Variants in NEK8 observed in about 807,000 individuals in gnomAD.
The protein encoded by NEK8 is serine/threonine-protein kinase Nek8.
In NEK8, 51 loss-of-function variants were observed where a neutral mutation model predicts 77.2. The ratio of observed to expected loss-of-function variants is 0.66; its 90% CI spans 0.53 to 0.83. The LOEUF (loss-of-function observed/expected upper bound fraction) is 0.83. Ranked by LOEUF, NEK8 falls within the 40% of genes least tolerant of loss-of-function variation. The pLI, the probability that NEK8 is intolerant of heterozygous loss-of-function variation, is 0.00. For synonymous variants in NEK8, 365 were observed against 363.2 expected, an observed-to-expected ratio of 1.00 and a Z score of -0.06; for missense variants, 787 against 909.2, an observed-to-expected ratio of 0.87 and a Z score of 1.73.
chr17:28,728,958 G>A, intron 1 of NEK8, 98 bp downstream of exon 1: 1 of 1,152,354 alleles, frequency 8.7e-7, no homozygotes, highest in Non-Finnish European at 1.3e-6. Flanking sequence ...CCGCCCCAAG[G>A]CGTGAGCGCC....
intron 1 of NEK8, among the ~76,000 whole-genome samples, chr17:28,729,083 C>T (rs1431350979): frequency 6.6e-6 from 1 of 152,246 alleles, no homozygotes; most frequent in Admixed American, 6.5e-5. Context: ...ATGTTAGCTT[C>T]TTTATTCATT....
At position 28,731,708 on chromosome 17, in the gene NEK8, A is replaced by G. The variant is rs572018771; in HGVS notation, c.48-2275A>G. Among the ~76,000 whole-genome samples the G allele has an allele frequency of 2.0e-5, 3 of 148,342 alleles. No homozygotes were observed. In the South Asian group the frequency reaches 6.5e-4, roughly 32 times the overall value. On this transcript the variant is annotated intron_variant, in intron 1 of 14. Coordinates refer to ENST00000268766, the MANE Select transcript of NEK8 (RefSeq NM_178170.3). The stretch of plus-strand genomic sequence containing the variant: ...AAGCTCCGCCTCCCAGGTTCACGCC[A>G]TTCTTCTGCCTCAGCCTCCCTAGCA...
In NEK8 at chr17:28,743,108, T is replaced by C. The variant is rs981430058; in HGVS notation, c.*1121T>C. 2.0e-5 allele frequency: 3 copies of C among 148,378 alleles called. No homozygotes were observed. The highest frequency in any genetic ancestry group is 4.4e-5 in the Non-Finnish European group (3 of 67,658). The allele number at this position is 148,378 out of a possible 1,614,324, so 9.2% of individuals were successfully genotyped here. A position where few individuals can be genotyped will look rare whatever the true frequency, so the allele number is the denominator to read the frequency against. The stretch of plus-strand genomic sequence containing the variant: ...AAAAAAAAAAAAAAAAAAAAGTATT[T>C]GGTGCTTACCGGGACTCTATCTCCA... On this transcript the variant is annotated 3_prime_UTR_variant, in exon 15 of 15. Coordinates refer to ENST00000268766, the MANE Select transcript of NEK8 (RefSeq NM_178170.3).
At chr17:28,734,330 C>T (rs559403982) in intron 2 of NEK8, 142 bp downstream of exon 2, 2 of 760,428 alleles carry the variant, frequency 2.6e-6, no homozygotes, top group Admixed American at 2.0e-5. Context: ...CCCCGGCTAG[C>T]CCCTTGTCCT....
rs1470293793 is a variant in NEK8 at position 28,737,595 on chromosome 17, A to T, written c.828-80A>T. 6.2e-7 allele frequency: 1 copy of T among 1,613,740 alleles called. No individual in the cohort carries two copies. The highest frequency in any genetic ancestry group is 2.2e-5 in the East Asian group (1 of 44,872). ...AGCACAGGAGGTCTGAGGCAGAGGGAAACCTGGGGCAAGTCCTCCCTTCCT... is the reference window on the plus strand; with the variant it reads ...AGCACAGGAGGTCTGAGGCAGAGGGTAACCTGGGGCAAGTCCTCCCTTCCT... On this transcript the variant is annotated intron_variant, in intron 5 of 14. Coordinates refer to ENST00000268766, the MANE Select transcript of NEK8 (RefSeq NM_178170.3). This position sits in a 1 kb window ranked among gnomAD's most constrained non-coding sequence, Gnocchi z 4.8.
At chr17:28,736,351 C>G (rs2034365627) in intron 4 of NEK8, among the ~76,000 whole-genome samples, 1 of 152,190 alleles carries the variant, frequency 6.6e-6, no homozygotes. Context: ...AATCGCCACA[C>G]TGACTTCCAC....
At chr17:28,734,228 C>T (rs1438253862) in intron 2 of NEK8, 40 bp downstream of exon 2, 4 of 1,560,252 alleles carry the variant, frequency 2.6e-6, no homozygotes, top group African/African-American at 2.7e-5. Context: ...TGGAGGGCCT[C>T]TTACCTCTGG....
Position 28,739,163 on chromosome 17 carries a change from C to G in NEK8, c.1379C>G (p.Thr460Ser). 1 of 1,614,174 alleles carries G rather than the reference C, an allele frequency of 6.2e-7. No homozygotes were observed. Among genetic ancestry groups the G allele is most frequent in the Non-Finnish European group, 8.5e-7 (1 of 1,179,974 alleles). The change falls in exon 10 of 15, where the codon ACT becomes AGT. Residue 460 changes from threonine to serine, a missense_variant. This residue lies in a region of NEK8 where 516 missense variants were observed against 544.0 expected (regional missense o/e 0.95). Transcript: ENST00000268766. The part of the protein sequence containing the change: ...CGASHVLALS[T>S]ERELFAWGRG... ...GCCTCTCACGTGCTGGCCCTGTCCA[C>G]TGAGCGAGAACTATTTGCCTGGGGC...
chr17:28,730,778 A>G (rs760782926), intron 1 of NEK8, among the ~76,000 whole-genome samples: 2 of 151,748 alleles, frequency 1.3e-5, no homozygotes, highest in African/African-American at 2.4e-5. Flanking sequence ...TTAGCCAGGT[A>G]TGGTGGCATT....
At position 28,740,984 on chromosome 17, in the gene NEK8, T is replaced by C; in HGVS notation, c.1731T>C (p.Thr577=). ...DLGTAHSAAV[T]ASGDCYTFGS... Reference sequence around the variant, plus strand: ...GCACTGCTCACTCAGCTGCTGTGACTGGTGAGGAGGACTTGGGCTCTGGAG... The same window carrying C: ...GCACTGCTCACTCAGCTGCTGTGACCGGTGAGGAGGACTTGGGCTCTGGAG... Residue 577 remains threonine, a splice_region_variant and synonymous_variant, in exon 12 of 15, where the codon ACT becomes ACC. Transcript: ENST00000268766. This position sits in a 1 kb window ranked among gnomAD's most constrained non-coding sequence, Gnocchi z 4.7. The C allele has an allele frequency of 6.2e-7, 1 of 1,614,106 alleles. No homozygotes were observed. Among genetic ancestry groups the C allele is most frequent in the Non-Finnish European group, 8.5e-7 (1 of 1,180,000 alleles).
rs555565611 is a variant in NEK8 at position 28,736,038 on chromosome 17, G to A, written c.618+667G>A. ...GAGAACATGCGGTGTTTGGTTTTTTGTCCTTGCGATAGTTTGCTGAGAATG... is the reference window on the plus strand; with the variant it reads ...GAGAACATGCGGTGTTTGGTTTTTTATCCTTGCGATAGTTTGCTGAGAATG... On this transcript the variant is annotated intron_variant, in intron 4 of 14. Coordinates refer to ENST00000268766, the MANE Select transcript of NEK8 (RefSeq NM_178170.3). 6.1e-5 allele frequency among the ~76,000 whole-genome samples: 9 copies of A among 148,320 alleles called. No individual in the cohort carries two copies. The East Asian group carries it at 1.8e-3, about 30-fold the overall frequency.
intron 3 of NEK8, 97 bp from the exon 4 acceptor site, chr17:28,735,143 G>A: frequency 1.3e-6 from 2 of 1,578,044 alleles, no homozygotes. Flanking sequence ...AAGCCCCTTG[G>A]CTTGCTTTGA....
intron 1 of NEK8, among the ~76,000 whole-genome samples, chr17:28,730,277 ATTTTTTTTT>A (rs36102062): frequency 1.1e-5 from 1 of 89,266 alleles, no homozygotes; most frequent in East Asian, 3.1e-4. Context: ...CAACCGGCTA[ATTTTTTTTT>A]TTTTTTTTTT....
In NEK8 at chr17:28,737,514, G is replaced by T. The variant is rs2151732752; in HGVS notation, c.827G>T (p.Arg276Met). 1 of 1,613,118 alleles carries T rather than the reference G, an allele frequency of 6.2e-7. No homozygotes were observed. The highest frequency in any genetic ancestry group is 8.5e-7 in the Non-Finnish European group (1 of 1,179,836). The stretch of plus-strand genomic sequence containing the variant: ...GACGTGGGCAGTGTCCGCATGCGGA[G>T]GCCTGTGCAGGGACAGCGAGCGGTC... ...HTDVGSVRMR[R>M]AEKSVAPSNT... Residue 276 changes from arginine (R) to methionine (M), a missense_variant and splice_region_variant, in exon 5 of 15, where the codon AGG becomes ATG. Physicochemically the swap from Arg to Met is moderately conservative, Grantham distance 91. This residue lies in a region of NEK8 where 271 missense variants were observed against 365.1 expected (regional missense o/e 0.74). Coordinates refer to ENST00000268766, the MANE Select transcript of NEK8 (RefSeq NM_178170.3). This position sits in a 1 kb window ranked among gnomAD's most constrained non-coding sequence, Gnocchi z 4.8.
chr17:28,738,322 G>A (rs550966292), intron 8 of NEK8, 77 bp downstream of exon 8: 19 of 1,517,534 alleles, frequency 1.3e-5, no homozygotes, highest in East Asian at 4.5e-5. Flanking sequence ...TGCAAAACAC[G>A]CACTTAATGA....
chr17:28,738,313 G>A, intron 8 of NEK8, 68 bp downstream of exon 8: 1 of 1,550,374 alleles, frequency 6.5e-7, no homozygotes, highest in Non-Finnish European at 8.9e-7. Context: ...CTCTTCTCTT[G>A]CAAAACACGC....
chr17:28,731,608 CTTTT>C (rs201658927), intron 1 of NEK8, among the ~76,000 whole-genome samples: 15,240 of 147,686 alleles, frequency 0.1, 819 homozygotes, highest in South Asian at 0.16. Context: ...TTCTTTCTTT[CTTTT>C]TTTTTTTCTG....
At position 28,735,260 on chromosome 17, in the gene NEK8, T is replaced by C. The variant is rs774429112; in HGVS notation, c.507T>C (p.Tyr169=). 3.1e-6 allele frequency: 5 copies of C among 1,614,116 alleles called. No homozygotes were observed. The highest frequency in any genetic ancestry group is 3.4e-6 in the Non-Finnish European group (4 of 1,179,988). ...KAYTVVGTPC[Y]ISPELCEGKP... ...TGCAGGTGGTGGGTACCCCATGCTA[T>C]ATCTCCCCTGAGCTGTGTGAGGGCA... is the stretch of plus-strand genomic sequence containing the variant. The change falls in exon 4 of 15, where the codon TAT becomes TAC. Residue 169 remains tyrosine (Y), a synonymous_variant. Transcript: ENST00000268766.
Position 28,742,398 on chromosome 17 carries a change from C to G in NEK8, c.*411C>G. ...CACGAGGTCAGGAGATCGAGACCAT[C>G]CTGGCTAACGTGGTGAAACCCCATC... On this transcript the variant is annotated 3_prime_UTR_variant, in exon 15 of 15. Transcript: ENST00000268766. 1 of 309,924 alleles carries G rather than the reference C, an allele frequency of 3.2e-6. No homozygotes were observed. The highest frequency in any genetic ancestry group is 6.4e-6 in the Non-Finnish European group (1 of 156,478). 19.2% of individuals were successfully genotyped at this position (309,924 alleles called of 1,614,324 possible).
Sources: allele counts gnomAD v4.1 joint callset (sites outside exome capture counted in the v4.1 genomes callset), GRCh38; gene constraint gnomAD v4.1.1; regional missense constraint gnomAD v4.1.1; non-coding constraint Gnocchi (gnomAD v3.1); transcripts MANE v1.5; gene names NCBI Gene and HGNC (gene_info 2026-07-23, HGNC 2026-07-21).